Variants in RELN observed in about 807,000 individuals in gnomAD.
The protein encoded by RELN is reelin.
In RELN, 108 loss-of-function variants were observed where a neutral mutation model predicts 427.6. That is an observed-to-expected ratio of 0.25 (90% CI 0.22 to 0.30). The LOEUF (loss-of-function observed/expected upper bound fraction) is 0.30. Ranked by LOEUF, RELN falls within the 10% of genes least tolerant of loss-of-function variation. The probability of loss-of-function intolerance (pLI) is 1.00; values close to 1 mark genes in which losing one functional copy is unlikely to be tolerated. For missense variants in RELN, 3,715 were observed against 4,302.8 expected, an observed-to-expected ratio of 0.86 and a Z score of 3.82; for synonymous variants, 1,524 against 1,513.4, an observed-to-expected ratio of 1.01 and a Z score of -0.16.
chr7:103,541,943 G>C (rs540369459), intron 43 of RELN, among the ~76,000 whole-genome samples: 2 of 152,276 alleles, frequency 1.3e-5, no homozygotes, highest in Admixed American at 1.3e-4. Context: ...AAAAGAAGGG[G>C]TAAAAATGTT....
At chr7:103,825,757 T>G (rs1475523098) in intron 3 of RELN, among the ~76,000 whole-genome samples, 1 of 152,154 alleles carries the variant, frequency 6.6e-6, no homozygotes, top group Non-Finnish European at 1.5e-5. Flanking sequence ...AAAATGTGGC[T>G]GGTACAACTG....
intron 4 of RELN, among the ~76,000 whole-genome samples, chr7:103,758,849 A>T (rs1354220965): frequency 6.6e-6 from 1 of 151,732 alleles, no homozygotes; most frequent in Non-Finnish European, 1.5e-5. Context: ...GGGCCTATCC[A>T]GATGATGTTT....
At chr7:103,542,593 C>A in intron 43 of RELN, 138 bp downstream of exon 43, 1 of 821,730 alleles carries the variant, frequency 1.2e-6, no homozygotes, top group Non-Finnish European at 2.0e-6. Context: ...TTCCTGAAAG[C>A]TTTGATAAAG....
At chr7:103,663,577 G>A (rs1190223564) in intron 11 of RELN, among the ~76,000 whole-genome samples, 3 of 152,118 alleles carry the variant, frequency 2.0e-5, no homozygotes, top group African/African-American at 4.8e-5. Context: ...CCGACCACAC[G>A]TCAGGCAGGT....
rs185428394 is a variant in RELN, at chr7:103,849,426, G to A, written c.338-15754C>T. Among the ~76,000 whole-genome samples, 13 of 152,074 alleles carry A rather than the reference G, an allele frequency of 8.5e-5. No individual in the cohort carries two copies. In the East Asian group the frequency reaches 2.1e-3, roughly 25 times the overall value. On this transcript the variant is annotated intron_variant, in intron 2 of 64. Coordinates refer to ENST00000428762, the MANE Select transcript of RELN (RefSeq NM_005045.4). Reference sequence around the variant, plus strand: ...CAGCTTCCTCTTTGAGTTCAGTTTTGTTTCCTCAGGGAAATTCTCAACACA... The same window carrying A: ...CAGCTTCCTCTTTGAGTTCAGTTTTATTTCCTCAGGGAAATTCTCAACACA...
intron 1 of RELN, among the ~76,000 whole-genome samples, chr7:103,956,020 G>A (rs1796425062): frequency 6.6e-6 from 1 of 152,166 alleles, no homozygotes; most frequent in Admixed American, 6.5e-5. Context: ...AAGATTTCCT[G>A]TAATTTTTTT....
At chr7:103,791,888 T>C (rs1018683999) in intron 3 of RELN, among the ~76,000 whole-genome samples, 1 of 151,876 alleles carries the variant, frequency 6.6e-6, no homozygotes, top group Non-Finnish European at 1.5e-5. Context: ...CAATAAAAAA[T>C]AAGTAACTCA....
At chr7:103,538,031 T>C (rs362715) in intron 45 of RELN, among the ~76,000 whole-genome samples, 92,206 of 151,992 alleles carry the variant, frequency 0.61, 28,693 homozygotes, top group Middle Eastern at 0.74. Flanking sequence ...CATCAGGTAG[T>C]CTGTATCTAC....
At chr7:103,924,480 G>A (rs1795682819) in intron 1 of RELN, among the ~76,000 whole-genome samples, 1 of 152,126 alleles carries the variant, frequency 6.6e-6, no homozygotes, top group South Asian at 2.1e-4. Context: ...CAAATGCTTT[G>A]CAGCTTTGTC....
intron 51 of RELN, among the ~76,000 whole-genome samples, chr7:103,507,609 C>A (rs1245508688): frequency 6.6e-6 from 1 of 152,008 alleles, no homozygotes; most frequent in African/African-American, 2.4e-5. Flanking sequence ...ACCCTAACAT[C>A]AAAATTAAAA....
intron 49 of RELN, among the ~76,000 whole-genome samples, chr7:103,516,298 T>C (rs557755216): frequency 1.4e-3 from 205 of 148,826 alleles, no homozygotes; most frequent in Admixed American, 2.8e-3. Flanking sequence ...TTTTTTTTTT[T>C]TTTTGAGACA....
Position 103,520,957 on chromosome 7 carries a change from A to ATTTTTTT in RELN, c.7668+1058_7668+1064dup, listed in dbSNP as rs55830035. 4.5e-3 allele frequency among the ~76,000 whole-genome samples: 356 copies of ATTTTTTT among 79,204 alleles called. 21 individuals carry two copies. Among genetic ancestry groups the ATTTTTTT allele is most frequent in the East Asian group, 0.013 (35 of 2,594 alleles). 52.0% of individuals were successfully genotyped at this position (79,204 alleles called of 152,430 possible). On this transcript the variant is annotated intron_variant, in intron 48 of 64. Coordinates refer to ENST00000428762, the MANE Select transcript of RELN (RefSeq NM_005045.4). ...ATAAAGAGCTGGCAGTAAATTTGTTATTTTTTTTTTTTTTTTTTTTTTTTT... is the reference window on the plus strand; with the variant it reads ...ATAAAGAGCTGGCAGTAAATTTGTTATTTTTTTTTTTTTTTTTTTTTTTTTTTTTTTT...
At chr7:103,937,498 G>A (rs1001409860) in intron 1 of RELN, among the ~76,000 whole-genome samples, 2 of 152,154 alleles carry the variant, frequency 1.3e-5, no homozygotes, top group Non-Finnish European at 2.9e-5. Context: ...TTGGATTTGA[G>A]GATCTAAAGG....
chr7:103,658,441 A>G (rs763542585), intron 12 of RELN, among the ~76,000 whole-genome samples: 24 of 152,100 alleles, frequency 1.6e-4, no homozygotes, highest in Admixed American at 2.6e-4. Context: ...AGAAAGTTTT[A>G]AAGTGTTTTC....
chr7:103,878,546 G>A (rs913694503), intron 2 of RELN, among the ~76,000 whole-genome samples: 1 of 152,090 alleles, frequency 6.6e-6, no homozygotes, highest in Non-Finnish European at 1.5e-5. Context: ...GACCTCACCT[G>A]GGGCGCTGAC....
At chr7:103,744,771 C>T (rs1482844405) in intron 6 of RELN, among the ~76,000 whole-genome samples, 1 of 150,328 alleles carries the variant, frequency 6.7e-6, no homozygotes, top group Non-Finnish European at 1.5e-5. Context: ...AGGAAATAAT[C>T]AATAGCTTAC....
chr7:103,926,936 T>C (rs1178010061), intron 1 of RELN, among the ~76,000 whole-genome samples: 1 of 152,158 alleles, frequency 6.6e-6, no homozygotes, highest in Non-Finnish European at 1.5e-5. Flanking sequence ...TGAGCCACCG[T>C]GCCCAGCCTA....
chr7:103,776,416 T>C, intron 4 of RELN, 141 bp downstream of exon 4: 2 of 798,648 alleles, frequency 2.5e-6, no homozygotes. Context: ...AAATAACTAT[T>C]AGTGATACGA....
intron 61 of RELN, 75 bp from the exon 62 acceptor site, chr7:103,483,925 G>GC (rs1828333605): frequency 2.8e-6 from 4 of 1,419,998 alleles, no homozygotes; most frequent in South Asian, 2.4e-5. Context: ...TGTCACCCAG[G>GC]CTGGAGTACA....
Sources: gnomAD v4.1 joint callset for allele counts (sites outside exome capture counted in the v4.1 genomes callset) on GRCh38, gnomAD v4.1.1 for gene constraint, MANE v1.5 for transcripts, NCBI Gene and HGNC (gene_info 2026-07-23, HGNC 2026-07-21) for gene names.